ICE2: variants seen among roughly 807,000 people sequenced by gnomAD.
ICE2 encodes interactor of little elongation complex ELL subunit 2.
ICE2 carries 87 observed loss-of-function variants against 105.4 expected under a neutral mutation model. That is an observed-to-expected ratio of 0.83 (90% CI 0.69 to 0.99). The LOEUF (loss-of-function observed/expected upper bound fraction) is 0.99. ICE2 is among the 50% of genes least tolerant of loss of function. The pLI is 0.00. For synonymous variants in ICE2, 399 were observed against 392.0 expected (o/e 1.02, Z -0.21); for missense variants, 1,323 against 1,146.7 (o/e 1.15, Z -2.22).
intron 11 of ICE2, among the ~76,000 whole-genome samples, chr15:60,444,550 T>G (rs1662181898): frequency 6.6e-6 from 1 of 152,210 alleles, no homozygotes; most frequent in South Asian, 2.1e-4. Flanking sequence ...ATAAAGCACT[T>G]AGGATACTTG....
rs200819692 is a variant in ICE2, at chr15:60,428,506, A to C, written c.2743T>G (p.Leu915Val). 3.7e-6 allele frequency: 6 copies of C among 1,614,070 alleles called. No individual in the cohort carries two copies. The highest frequency in any genetic ancestry group is 5.1e-6 in the Non-Finnish European group (6 of 1,180,006). ...CTTCCATGATGGATATGATATGGTA[A>C]TAACAGGCTGGGATCTAATGGGACC... ...PWVPLDPSLL[L>V]PYHIHHGRIP... is the part of the protein sequence containing the mutation. The change falls in exon 15 of 16, where the codon TTA becomes GTA. Residue 915 changes from leucine to valine, a missense_variant. Physicochemically the swap from Leu to Val is conservative, Grantham distance 32 (BLOSUM62 1). Coordinates refer to ENST00000261520, the MANE Select transcript of ICE2 (RefSeq NM_024611.6).
At chr15:60,451,692 C>T in intron 9 of ICE2, 1 of 820,982 alleles carries the variant, frequency 1.2e-6, no homozygotes, top group East Asian at 1.2e-4. Flanking sequence ...TCAGAGAAAG[C>T]TCATTTACTT....
At chr15:60,478,781 G>T (rs1410749904) in intron 1 of ICE2, 1 of 357,726 alleles carries the variant, frequency 2.8e-6, no homozygotes, top group African/African-American at 2.1e-5. Flanking sequence ...GAAGGCAAAA[G>T]AAACGGCTGA....
intron 14 of ICE2, among the ~76,000 whole-genome samples, chr15:60,429,854 T>C (rs577082857): frequency 6.6e-6 from 1 of 152,338 alleles, no homozygotes; most frequent in South Asian, 2.1e-4. Flanking sequence ...ATGAAAATCA[T>C]ATATCTTAAC....
chr15:60,445,582 T>C (rs1566981966), intron 11 of ICE2: 26 of 962,766 alleles, frequency 2.7e-5, no homozygotes, highest in Non-Finnish European at 3.1e-5. Context: ...AGACAGTCTT[T>C]AGGGTGTGAC....
chr15:60,448,495 T>C (rs150349467), intron 10 of ICE2, among the ~76,000 whole-genome samples: 17 of 152,310 alleles, frequency 1.1e-4, no homozygotes, highest in African/African-American at 4.1e-4. Flanking sequence ...AACCAAAAAG[T>C]ATAAAACTGC....
At chr15:60,428,271 C>A (rs2063380174) in intron 15 of ICE2, among the ~76,000 whole-genome samples, 158 bp downstream of exon 15, 1 of 152,156 alleles carries the variant, frequency 6.6e-6, no homozygotes, top group Non-Finnish European at 1.5e-5. Context: ...ACTGGACTCA[C>A]CATGGCATAC....
Position 60,468,318 on chromosome 15 carries a change from T to A in ICE2, c.151A>T (p.Ile51Leu), listed in dbSNP as rs1449233501. The A allele has an allele frequency of 1.3e-6, 2 of 1,599,000 alleles. No individual in the cohort carries two copies. Among genetic ancestry groups the A allele is most frequent in the East Asian group, 4.5e-5 (2 of 44,474 alleles). The change falls in exon 4 of 16, where the codon ATA (isoleucine) becomes TTA (leucine). Residue 51 changes from isoleucine (I) to leucine (L), a missense_variant. Physicochemically the swap from Ile to Leu is conservative, Grantham distance 5 (BLOSUM62 2). Coordinates refer to ENST00000261520, the MANE Select transcript of ICE2 (RefSeq NM_024611.6). ...GCTGAGGCATTCAAATTTTCTCCTA[T>A]ACGTCTGGAAAACAAAATATAATTT... ...KELRVLSNRRIGENLNASASS... is the reference protein window; with the variant it reads ...KELRVLSNRRLGENLNASASS...
At chr15:60,451,428 CATT>C (rs1336453909) in intron 9 of ICE2, 2 of 969,982 alleles carry the variant, frequency 2.1e-6, no homozygotes, top group African/African-American at 1.8e-5. Flanking sequence ...AATTAGATAT[CATT>C]AAGAAAAATG....
At chr15:60,454,849 T>C in intron 8 of ICE2, 154 bp downstream of exon 8, 1 of 591,250 alleles carries the variant, frequency 1.7e-6, no homozygotes, top group Non-Finnish European at 2.8e-6. Context: ...ATGCTCTCTC[T>C]CACCTTGCCC....
intron 8 of ICE2, 43 bp downstream of exon 8, chr15:60,454,960 T>C (rs2064063319): frequency 6.7e-7 from 1 of 1,497,416 alleles, no homozygotes; most frequent in South Asian, 1.4e-5. Flanking sequence ...GCAGTCCAAC[T>C]TCTCTTTTTT....
chr15:60,453,691 G>A lies in ICE2; in HGVS notation c.1037C>T (p.Pro346Leu), dbSNP rs2064023869. The A allele has an allele frequency of 6.2e-7, 1 of 1,612,630 alleles. No individual in the cohort carries two copies. The highest frequency in any genetic ancestry group is 8.5e-7 in the Non-Finnish European group (1 of 1,178,776). ...GTTTTTGGACATCATAAATTTTAAT[G>A]GAACTTCATGAAAGATTTGATTTCT... is the stretch of plus-strand genomic sequence containing the variant. Reference protein sequence around the residue: ...RERNQIFHEVPLKFMMSKNTS... With the variant: ...RERNQIFHEVLLKFMMSKNTS... Residue 346 changes from proline to leucine, a missense_variant, in exon 9 of 16, where the codon CCA (proline) becomes CTA (leucine). Pro to Leu is a moderately conservative substitution (Grantham distance 98). Coordinates refer to ENST00000261520, the MANE Select transcript of ICE2 (RefSeq NM_024611.6).
chr15:60,452,089 C>A, intron 9 of ICE2: 1 of 985,312 alleles, frequency 1.0e-6, no homozygotes. Context: ...TAACCTACCT[C>A]ATGTTTCTTC....
In ICE2 at chr15:60,433,616, G is replaced by A. The variant is rs146777589; in HGVS notation, c.2511-1632C>T. ...AGCGATTCTCCTGCCTCAGCCACCCGAGTAGCTGGAATTGCAGGTGCCCAC... is the reference window on the plus strand; with the variant it reads ...AGCGATTCTCCTGCCTCAGCCACCCAAGTAGCTGGAATTGCAGGTGCCCAC... On this transcript the variant is annotated intron_variant, in intron 13 of 15. Transcript: ENST00000261520. Among the ~76,000 whole-genome samples, 13 of 151,820 alleles carry A rather than the reference G, an allele frequency of 8.6e-5. No homozygotes were observed. The East Asian group carries it at 2.3e-3, about 27-fold the overall frequency.
chr15:60,448,542 C>G (rs2063878032), intron 10 of ICE2, among the ~76,000 whole-genome samples: 1 of 152,126 alleles, frequency 6.6e-6, no homozygotes, highest in African/African-American at 2.4e-5. Flanking sequence ...TTAAATCAAT[C>G]AATGTTTATG....
intron 3 of ICE2, among the ~76,000 whole-genome samples, chr15:60,470,006 T>A (rs892026112): frequency 3.1e-4 from 47 of 152,166 alleles, no homozygotes; most frequent in Admixed American, 4.6e-4. Context: ...ACTGTTCCTA[T>A]AACCTGGCTC....
intron 9 of ICE2, 103 bp from the exon 10 acceptor site, chr15:60,449,944 G>T: frequency 1.2e-6 from 1 of 855,998 alleles, no homozygotes; most frequent in Non-Finnish European, 1.8e-6. Context: ...CTCTTTTAAA[G>T]TAGAAAGAAA....
chr15:60,457,847 A>G (rs1315476642), intron 5 of ICE2, among the ~76,000 whole-genome samples: 1 of 152,208 alleles, frequency 6.6e-6, no homozygotes, highest in Non-Finnish European at 1.5e-5. Flanking sequence ...TATCTGCAAA[A>G]TATCTTTGCT....
intron 12 of ICE2, chr15:60,438,684 C>G (rs1379025847): frequency 6.6e-6 from 1 of 152,194 alleles, no homozygotes; most frequent in East Asian, 1.9e-4. Flanking sequence ...AATAACTATA[C>G]AGAGAATACC....
Sources: allele counts gnomAD v4.1 joint callset (sites outside exome capture counted in the v4.1 genomes callset), GRCh38; gene constraint gnomAD v4.1.1; transcripts MANE v1.5; gene names NCBI Gene and HGNC (gene_info 2026-07-23, HGNC 2026-07-21).